TNS4: variants seen among roughly 807,000 people sequenced by gnomAD.
The protein encoded by TNS4 is tensin 4.
Under a neutral mutation model 70.4 loss-of-function variants are expected in TNS4, and 46 were observed. The observed-to-expected ratio is 0.65, with a 90% CI of 0.52 to 0.84. The LOEUF (loss-of-function observed/expected upper bound fraction) is 0.84, where lower values mean the gene tolerates loss of function less well. Among genes scored for constraint, TNS4 ranks in the 40% least tolerant of loss-of-function variants. The pLI is 0.00. For missense variants in TNS4, 863 were observed against 907.0 expected, an observed-to-expected ratio of 0.95 and a Z score of 0.62; for synonymous variants, 390 against 366.6, an observed-to-expected ratio of 1.06 and a Z score of -0.73.
At chr17:40,479,883 G>A in intron 9 of TNS4, 41 bp from the exon 10 acceptor site, 1 of 1,566,246 alleles carries the variant, frequency 6.4e-7, no homozygotes, top group South Asian at 1.2e-5. Context: ...CTGACCCAGG[G>A]CCCAGGTTCT....
intron 1 of TNS4, among the ~76,000 whole-genome samples, chr17:40,499,768 A>G (rs1012173719): frequency 1.3e-5 from 2 of 152,236 alleles, no homozygotes; most frequent in Non-Finnish European, 2.9e-5. Context: ...CACAGGCTCC[A>G]AGTGGACTGG....
At chr17:40,480,410 A>G (rs2035906435) in intron 9 of TNS4, among the ~76,000 whole-genome samples, 1 of 152,112 alleles carries the variant, frequency 6.6e-6, no homozygotes, top group Admixed American at 6.5e-5. Flanking sequence ...AGACCTAGAG[A>G]GACCCTAGCA....
intron 6 of TNS4, among the ~76,000 whole-genome samples, chr17:40,483,450 C>A (rs1475370329): frequency 4.6e-5 from 7 of 152,202 alleles, no homozygotes; most frequent in African/African-American, 7.2e-5. Flanking sequence ...ATCCTCCTGC[C>A]TCGGCCTCCC....
At position 40,476,425 on chromosome 17, in the gene TNS4, TG is replaced by T. The variant is rs1860646007; in HGVS notation, c.*1162del. 5 of 116,556 alleles carry T rather than the reference TG, an allele frequency of 4.3e-5. No homozygotes were observed. The highest frequency in any genetic ancestry group is 1.4e-4 in the African/African-American group (4 of 27,976). 7.2% of individuals were successfully genotyped at this position (116,556 alleles called of 1,614,324 possible). A position where few individuals can be genotyped will look rare whatever the true frequency, so the allele number is the denominator to read the frequency against. On this transcript the variant is annotated 3_prime_UTR_variant, in exon 13 of 13. Transcript: ENST00000254051. ...GTGTGTGTGTGTGTGTGTGTGTGTG[TG>T]TGTTGGAGCGTGGGTTGGGGGAGGG...
rs984084669 is a variant in TNS4 at position 40,493,890 on chromosome 17, T to C, written c.439+2097A>G. Among the ~76,000 whole-genome samples, 8 of 152,270 alleles carry C rather than the reference T, an allele frequency of 5.3e-5. No homozygotes were observed. In the East Asian group the frequency reaches 9.6e-4, roughly 18 times the overall value. Reference sequence around the variant, plus strand: ...TGGCCTTGGACATGTGGAAATCCAGTCCTGGGGCATGAACGGTAAAACCCT... The same window carrying C: ...TGGCCTTGGACATGTGGAAATCCAGCCCTGGGGCATGAACGGTAAAACCCT... On this transcript the variant is annotated intron_variant, in intron 2 of 12. Coordinates refer to ENST00000254051, the MANE Select transcript of TNS4 (RefSeq NM_032865.6).
chr17:40,480,601 C>T lies in TNS4; in HGVS notation c.1741+99G>A, dbSNP rs1203440200. On this transcript the variant is annotated intron_variant, in intron 9 of 12. Coordinates refer to ENST00000254051, the MANE Select transcript of TNS4 (RefSeq NM_032865.6). ...AGCTGAGATGGGAAACACGTGTGTG[C>T]CTGTGCGTGTGTGCGTGCATGCGTG... 4.3e-6 allele frequency: 5 copies of T among 1,164,924 alleles called. No individual in the cohort carries two copies. In the African/African-American group the frequency reaches 4.9e-5, roughly 11 times the overall value. The allele number at this position is 1,164,924 out of a possible 1,614,324, so 72.2% of individuals were successfully genotyped here. A position where few individuals can be genotyped will look rare whatever the true frequency, so the allele number is the denominator to read the frequency against.
chr17:40,501,004 C>T (rs548029134), intron 1 of TNS4, among the ~76,000 whole-genome samples: 122 of 152,310 alleles, frequency 8.0e-4, no homozygotes, highest in African/African-American at 2.9e-3. Flanking sequence ...GCCCTCAGCT[C>T]TCTCATCTAT....
chr17:40,501,464 A>AAAAAT (rs2036215554), intron 1 of TNS4, 70 bp downstream of exon 1: 1 of 150,932 alleles, frequency 6.6e-6, no homozygotes, highest in African/African-American at 2.4e-5. Flanking sequence ...AAAAAAAAAA[A>AAAAAT]TGTTTAAATG....
chr17:40,494,390 G>T (rs1390973712), intron 2 of TNS4, among the ~76,000 whole-genome samples: 1 of 152,210 alleles, frequency 6.6e-6, no homozygotes, highest in Non-Finnish European at 1.5e-5. Flanking sequence ...GGCTAGACTG[G>T]CTCCTTACTT....
intron 4 of TNS4, among the ~76,000 whole-genome samples, chr17:40,485,974 T>C (rs1183160198): frequency 2.0e-5 from 3 of 152,212 alleles, no homozygotes; most frequent in African/African-American, 7.2e-5. Context: ...CAGTGGGCTA[T>C]AGTAAACATT....
intron 4 of TNS4, 102 bp downstream of exon 4, chr17:40,486,934 T>C (rs1471791858): frequency 1.4e-6 from 2 of 1,439,844 alleles, no homozygotes; most frequent in Non-Finnish European, 9.6e-7. Flanking sequence ...AGACACACAA[T>C]AGTTGCTCAA....
chr17:40,484,503 C>T lies in TNS4; in HGVS notation c.1482G>A (p.Ala494=), dbSNP rs11868898. The change falls in exon 6 of 13, where the codon GCG becomes GCA. Residue 494 remains alanine (A), a synonymous_variant. Transcript: ENST00000254051. ...GLALKVQEVP[A]SAQSRPGEDS... The stretch of plus-strand genomic sequence containing the variant: ...GCATACCTGGTCGACTCTGAGCAGA[C>T]GCGGGAACCTCCTGCACCTTCAGGG... The T allele has an allele frequency of 1.1e-5, 17 of 1,611,516 alleles. No individual in the cohort carries two copies. Among genetic ancestry groups the T allele is most frequent in the South Asian group, 4.4e-5 (4 of 91,076 alleles).
Position 40,496,347 on chromosome 17 carries a change from T to C in TNS4, c.79A>G (p.Thr27Ala). The C allele has an allele frequency of 3.1e-6, 5 of 1,613,420 alleles. No homozygotes were observed. The South Asian group carries it at 5.5e-5, about 18-fold the overall frequency. ...CTGGGGCTGGGTGCTGGGTGCAGGG[T>C]CCTCCTGGGCTCATCACAAGGCGCC... ...SLAPCDEPRR[T>A]LHPAPSPSLP... is the part of the protein sequence containing the mutation. The change falls in exon 2 of 13, where the codon ACC becomes GCC. Residue 27 changes from threonine to alanine, a missense_variant. Physicochemically the swap from Thr to Ala is moderately conservative, Grantham distance 58 (BLOSUM62 0). Transcript: ENST00000254051.
Position 40,479,675 on chromosome 17 carries a change from T to G in TNS4, c.1909A>C (p.Lys637Gln), listed in dbSNP as rs190968345. 5.0e-5 allele frequency: 81 copies of G among 1,612,912 alleles called. No homozygotes were observed. In the Admixed American group the frequency reaches 9.7e-4, roughly 19 times the overall value. The change falls in exon 10 of 13, where the codon AAG becomes CAG. Residue 637 changes from lysine (K) to glutamine (Q), a missense_variant and splice_region_variant. Transcript: ENST00000254051. Reference protein sequence around the residue: ...QGITLTDVQRKVFFRRHYPLT... With the variant: ...QGITLTDVQRQVFFRRHYPLT... ...CCCAGGGCAAGGGAAGGCCCTTACT[T>G]CCTCTGGACATCAGTCAGAGTGATG...
Position 40,479,768 on chromosome 17 carries a change from A to G in TNS4, c.1816T>C (p.Ser606Pro), listed in dbSNP as rs1439114836. The stretch of plus-strand genomic sequence containing the variant: ...AGGATGTCCCTCTCAAAGGTGGTGG[A>G]GATGGCTTTCTGCACGGCCAGGGCT... ...TGALAVQKAI[S>P]TTFERDILPT... is the part of the protein sequence containing the mutation. Residue 606 changes from serine to proline, a missense_variant, in exon 10 of 13, where the codon TCC becomes CCC. Coordinates refer to ENST00000254051, the MANE Select transcript of TNS4 (RefSeq NM_032865.6). 6.2e-7 allele frequency: 1 copy of G among 1,614,032 alleles called. No individual in the cohort carries two copies. The highest frequency in any genetic ancestry group is 8.5e-7 in the Non-Finnish European group (1 of 1,180,024).
chr17:40,488,394 T>C (rs1246561366), intron 3 of TNS4, 152 bp downstream of exon 3: 2 of 639,564 alleles, frequency 3.1e-6, no homozygotes, highest in South Asian at 4.5e-5. Context: ...GCTTGAGATC[T>C]GAAAGGCTGT....
At chr17:40,495,307 C>G (rs972920205) in intron 2 of TNS4, among the ~76,000 whole-genome samples, 1 of 152,088 alleles carries the variant, frequency 6.6e-6, no homozygotes, top group African/African-American at 2.4e-5. Context: ...TGTGTGACAG[C>G]CTGCTACTCC....
At position 40,477,614 on chromosome 17, in the gene TNS4, G is replaced by A; in HGVS notation, c.2122C>T (p.Leu708=). Residue 708 remains leucine, a synonymous_variant, in exon 13 of 13, where the codon CTG becomes TTG. Transcript: ENST00000254051. ...TACATCCTTTCTGCGTCCTGCAGCA[G>A]AGCAGTCACCAGGCCGATGACCTGC... is the stretch of plus-strand genomic sequence containing the variant. ...ASQVIGLVTA[L]LQDAERM The A allele has an allele frequency of 6.2e-7, 1 of 1,614,166 alleles. No individual in the cohort carries two copies.
chr17:40,482,507 G>C, intron 6 of TNS4, 91 bp from the exon 7 acceptor site: 3 of 1,201,148 alleles, frequency 2.5e-6, no homozygotes, highest in Admixed American at 1.8e-5. Flanking sequence ...ACTTTGGGAG[G>C]CCGAGGTGGG....
Sources: gnomAD v4.1 joint callset for allele counts (sites outside exome capture counted in the v4.1 genomes callset) on GRCh38, gnomAD v4.1.1 for gene constraint, MANE v1.5 for transcripts, NCBI Gene and HGNC (gene_info 2026-07-23, HGNC 2026-07-21) for gene names.